The following ADHFE1 variants were observed in gnomAD, a reference collection of about 807,000 sequenced individuals.
ADHFE1 encodes the protein hydroxyacid-oxoacid transhydrogenase, mitochondrial.
In ADHFE1, 37 loss-of-function variants were observed where a neutral mutation model predicts 54.8. That is an observed-to-expected ratio of 0.68 (90% confidence interval 0.52 to 0.89). ADHFE1 has a LOEUF of 0.89. Ranked by LOEUF, ADHFE1 falls within the 40% of genes least tolerant of loss-of-function variation. The probability of loss-of-function intolerance (pLI) is 0.00; values close to 1 mark genes in which losing one functional copy is unlikely to be tolerated. For synonymous variants in ADHFE1, 203 were observed against 229.3 expected, an observed-to-expected ratio of 0.89 and a Z score of 1.04; for missense variants, 601 against 591.2, an observed-to-expected ratio of 1.02 and a Z score of -0.17.
In ADHFE1 at chr8:66,460,454, A is replaced by G. The variant is rs747308128; in HGVS notation, c.1309A>G (p.Thr437Ala). 3 of 1,583,036 alleles carry G rather than the reference A, an allele frequency of 1.9e-6. No homozygotes were observed. Among genetic ancestry groups the G allele is most frequent in the Admixed American group, 1.7e-5 (1 of 58,266 alleles). Reference sequence around the variant, plus strand: ...TGATATCCCCGCACTAGTGAAAGGAACGCTGCCCCAGGTAAGAGACCGGCA... The same window carrying G: ...TGATATCCCCGCACTAGTGAAAGGAGCGCTGCCCCAGGTAAGAGACCGGCA... ...KADIPALVKG[T>A]LPQERVTKLA... Residue 437 changes from threonine (T) to alanine (A), a missense_variant, in exon 13 of 14, where the codon ACG becomes GCG. Transcript: ENST00000396623.
chr8:66,432,744 C>CA (rs1200032070), intron 1 of ADHFE1, 169 bp downstream of exon 1: 3 of 1,231,660 alleles, frequency 2.4e-6, no homozygotes. Context: ...AGCGAGGTCA[C>CA]AGAGTGCGCG....
intron 13 of ADHFE1, among the ~76,000 whole-genome samples, chr8:66,467,818 G>T (rs1180098387): frequency 6.6e-6 from 1 of 152,212 alleles, no homozygotes; most frequent in African/African-American, 2.4e-5. Context: ...GGAGTCACTT[G>T]TTGCACATAG....
intron 3 of ADHFE1, among the ~76,000 whole-genome samples, chr8:66,443,421 G>A (rs940562617): frequency 2.6e-5 from 4 of 151,804 alleles, no homozygotes; most frequent in African/African-American, 4.8e-5. Context: ...GGGATTACAG[G>A]TGCACACCAC....
At chr8:66,446,940 C>T (rs768790463) in intron 6 of ADHFE1, among the ~76,000 whole-genome samples, 3 of 152,196 alleles carry the variant, frequency 2.0e-5, no homozygotes, top group African/African-American at 4.8e-5. Flanking sequence ...CATCAATGTA[C>T]ATGCTAAACA....
intron 3 of ADHFE1, among the ~76,000 whole-genome samples, chr8:66,443,304 G>A (rs78329780): frequency 1.4e-5 from 1 of 70,480 alleles, no homozygotes; most frequent in Admixed American, 1.8e-4. Flanking sequence ...TTTGGAGACA[G>A]CCTCACTCTG....
At chr8:66,449,428 A>G (rs1806190002) in intron 8 of ADHFE1, among the ~76,000 whole-genome samples, 1 of 152,048 alleles carries the variant, frequency 6.6e-6, no homozygotes, top group South Asian at 2.1e-4. Context: ...CAGAGCTAAC[A>G]CCTCCAGAGC....
chr8:66,449,029 T>C (rs3739338), intron 8 of ADHFE1, 59 bp downstream of exon 8: 132,644 of 1,457,850 alleles, frequency 0.091, 7,449 homozygotes, highest in East Asian at 0.25. Flanking sequence ...GATAGTATTT[T>C]GTTGCTCAAC....
chr8:66,466,886 G>A (rs1221719813), intron 13 of ADHFE1, among the ~76,000 whole-genome samples: 1 of 152,184 alleles, frequency 6.6e-6, no homozygotes, highest in East Asian at 1.9e-4. Context: ...AAGGGATGGT[G>A]GGACTAAGTG....
Position 66,448,558 on chromosome 8 carries a change from G to A in ADHFE1, c.629-307G>A, listed in dbSNP as rs140228003. ...ATAATAAACAAGTAAGCCCTGACTT[G>A]TAGTGTTGGCCCATTTCTGTGGTGT... is the stretch of plus-strand genomic sequence containing the variant. On this transcript the variant is annotated intron_variant, in intron 7 of 13. Coordinates refer to ENST00000396623, the MANE Select transcript of ADHFE1 (RefSeq NM_144650.3). 2.2e-3 allele frequency among the ~76,000 whole-genome samples: 330 copies of A among 152,302 alleles called. 1 individual carries two copies. Among genetic ancestry groups the A allele is most frequent in the Middle Eastern group, 0.01 (3 of 294 alleles).
At chr8:66,452,908 G>A (rs906221230) in intron 9 of ADHFE1, among the ~76,000 whole-genome samples, 7 of 152,240 alleles carry the variant, frequency 4.6e-5, no homozygotes, top group Non-Finnish European at 1.5e-5. Flanking sequence ...TATACATAAT[G>A]GACAGAACGG....
intron 1 of ADHFE1, among the ~76,000 whole-genome samples, chr8:66,436,957 G>A (rs1043889394): frequency 4.6e-5 from 7 of 152,184 alleles, no homozygotes; most frequent in Non-Finnish European, 8.8e-5. Flanking sequence ...ATCGGGTACC[G>A]TGAAGACAGA....
intron 13 of ADHFE1, among the ~76,000 whole-genome samples, chr8:66,466,935 G>A (rs1258845688): frequency 1.3e-5 from 2 of 152,250 alleles, no homozygotes; most frequent in African/African-American, 4.8e-5. Context: ...GCCAGATCGG[G>A]GTAGCCTTAG....
chr8:66,444,002 C>T (rs1805899556), intron 3 of ADHFE1, among the ~76,000 whole-genome samples: 1 of 152,202 alleles, frequency 6.6e-6, no homozygotes, highest in Non-Finnish European at 1.5e-5. Context: ...ACATAGAAGA[C>T]AGTAGCATTG....
rs775303879 is a variant in ADHFE1, at chr8:66,444,693, A to G, written c.298A>G (p.Asn100Asp). ...VQVAMDSLVK[N>D]GIPFTVYDNV... ...AGTAGCTATGGATTCCCTAGTGAAG[A>G]ATGGCATCCCCTTTACGGTTTATGA... The change falls in exon 5 of 14, where the codon AAT (asparagine) becomes GAT (aspartate). Residue 100 changes from asparagine (N) to aspartate (D), a missense_variant. Asn to Asp is a conservative substitution (Grantham distance 23). Coordinates refer to ENST00000396623, the MANE Select transcript of ADHFE1 (RefSeq NM_144650.3). The G allele has an allele frequency of 6.2e-7, 1 of 1,614,224 alleles. No homozygotes were observed. Among genetic ancestry groups the G allele is most frequent in the Non-Finnish European group, 8.5e-7 (1 of 1,180,022 alleles).
At chr8:66,443,622 C>T (rs1312799829) in intron 3 of ADHFE1, among the ~76,000 whole-genome samples, 1 of 152,062 alleles carries the variant, frequency 6.6e-6, no homozygotes, top group East Asian at 1.9e-4. Context: ...TGACAGTTAA[C>T]CAAGAGATGA....
intron 10 of ADHFE1, among the ~76,000 whole-genome samples, chr8:66,455,194 A>G (rs1405601452): frequency 1.3e-5 from 2 of 152,228 alleles, no homozygotes; most frequent in Non-Finnish European, 2.9e-5. Flanking sequence ...TTTAAATTTT[A>G]AGATACTGAC....
intron 1 of ADHFE1, among the ~76,000 whole-genome samples, chr8:66,434,302 T>C (rs1339035083): frequency 7.9e-5 from 12 of 152,206 alleles, no homozygotes; most frequent in Admixed American, 7.2e-4. Flanking sequence ...AGCATGCTTC[T>C]GGTACATTCA....
At position 66,447,288 on chromosome 8, in the gene ADHFE1, G is replaced by GTTCC. The variant is rs1309445406; in HGVS notation, c.576_577insTCCT (p.Glu193SerfsTer2). 1.9e-6 allele frequency: 3 copies of GTTCC among 1,613,316 alleles called. No homozygotes were observed. Among genetic ancestry groups the GTTCC allele is most frequent in the Non-Finnish European group, 2.5e-6 (3 of 1,179,622 alleles). ...GTGCCAACTACCTCAGGAACCGGGA[G>GTTCC]TGAAACTACTGGGGTTGCCATTTTT... On this transcript the variant is annotated frameshift_variant, in exon 7 of 14. Coordinates refer to ENST00000396623, the MANE Select transcript of ADHFE1 (RefSeq NM_144650.3). LOFTEE classifies it high-confidence loss of function.
intron 12 of ADHFE1, among the ~76,000 whole-genome samples, chr8:66,458,763 C>G (rs1806729730): frequency 6.6e-6 from 1 of 152,148 alleles, no homozygotes; most frequent in South Asian, 2.1e-4. Context: ...TCCATGTCAT[C>G]TTAGATTTCT....
Sources: gnomAD v4.1 joint callset for allele counts (sites outside exome capture counted in the v4.1 genomes callset) on GRCh38, gnomAD v4.1.1 for gene constraint, MANE v1.5 for transcripts, NCBI Gene and HGNC (gene_info 2026-07-23, HGNC 2026-07-21) for gene names.